STK10: variants seen among roughly 807,000 people sequenced by gnomAD.
The protein encoded by STK10 is serine/threonine-protein kinase 10.
In STK10, 78 loss-of-function variants were observed where a neutral mutation model predicts 113.8. The observed-to-expected ratio is 0.69, with a 90% CI of 0.57 to 0.83. The LOEUF (loss-of-function observed/expected upper bound fraction) is 0.83. Among genes scored for constraint, STK10 ranks in the 40% least tolerant of loss-of-function variants. The pLI is 0.00. For missense variants in STK10, 1,109 were observed against 1,280.1 expected (o/e 0.87, Z 2.04); for synonymous variants, 465 against 494.7 (o/e 0.94, Z 0.80).
At chr5:172,069,518 G>A (rs999035078) in intron 12 of STK10, among the ~76,000 whole-genome samples, 29 of 152,272 alleles carry the variant, frequency 1.9e-4, no homozygotes, top group African/African-American at 6.5e-4. Context: ...TAAAGTCTAG[G>A]AGGCTGAGGA....
At chr5:172,156,857 C>G in intron 1 of STK10, 69 bp from the exon 2 acceptor site, 1 of 1,544,454 alleles carries the variant, frequency 6.5e-7, no homozygotes, top group Non-Finnish European at 8.8e-7. Flanking sequence ...GACGTGAGCC[C>G]GCAGTCCTGC....
rs77609569 is a variant in STK10 at position 172,170,276 on chromosome 5, T to C, written c.157-13488A>G. ...AGAAGTCGACTTTCTCCATAACATA[T>C]TTCTATTTCTGAATCTCTGGCTGTT... On this transcript the variant is annotated intron_variant, in intron 1 of 18. Coordinates refer to ENST00000176763, the MANE Select transcript of STK10 (RefSeq NM_005990.4). 8.1e-3 allele frequency among the ~76,000 whole-genome samples: 1,226 copies of C among 152,250 alleles called. 24 individuals are homozygous for C. Among genetic ancestry groups the C allele is most frequent in the African/African-American group, 0.028 (1,149 of 41,538 alleles).
intron 10 of STK10, among the ~76,000 whole-genome samples, chr5:172,086,780 A>C (rs73801845): frequency 6.6e-6 from 1 of 152,168 alleles, no homozygotes; most frequent in Non-Finnish European, 1.5e-5. Context: ...ACGGCAGGCA[A>C]GCGAGAAAAT....
intron 18 of STK10, among the ~76,000 whole-genome samples, chr5:172,049,933 T>C (rs1401848460): frequency 6.6e-6 from 1 of 152,224 alleles, no homozygotes; most frequent in African/African-American, 2.4e-5. Context: ...CGCCCAAGTA[T>C]CTGGGATTAC....
At chr5:172,070,263 CTA>C (rs1768147333) in intron 12 of STK10, among the ~76,000 whole-genome samples, 2 of 148,930 alleles carry the variant, frequency 1.3e-5, no homozygotes, top group African/African-American at 5.0e-5. Flanking sequence ...AAATATATAT[CTA>C]TATATCTATA....
At position 172,074,833 on chromosome 5, in the gene STK10, A is replaced by G. The variant is rs1306665325; in HGVS notation, c.1989+7493T>C. Among the ~76,000 whole-genome samples, 6 of 152,204 alleles carry G rather than the reference A, an allele frequency of 3.9e-5. No individual in the cohort carries two copies. The East Asian group carries it at 1.2e-3, about 29-fold the overall frequency. ...CAGGAGTTTAAGGCCAGCCTGGCCA[A>G]CATGGTGAAACCCTGTCTCTAATAA... On this transcript the variant is annotated intron_variant, in intron 12 of 18. Transcript: ENST00000176763.
chr5:172,141,355 T>C (rs933055935), intron 2 of STK10, among the ~76,000 whole-genome samples: 4 of 152,060 alleles, frequency 2.6e-5, no homozygotes, highest in Non-Finnish European at 2.9e-5. Context: ...GGCGGGAAGA[T>C]TGCTTGAGCT....
chr5:172,054,701 C>G lies in STK10; in HGVS notation c.2527-7G>C. The G allele has an allele frequency of 1.9e-6, 3 of 1,608,274 alleles. No individual in the cohort carries two copies. The highest frequency in any genetic ancestry group is 2.5e-6 in the Non-Finnish European group (3 of 1,179,958). On this transcript the variant is annotated splice_region_variant and splice_polypyrimidine_tract_variant and intron_variant, in intron 16 of 18. Transcript: ENST00000176763. ...TCTCCTCCTGCTGGGAGAACTGCAC[C>G]AGAGAGAGGGTGGGTGCCTCAGGGG...
intron 2 of STK10, among the ~76,000 whole-genome samples, chr5:172,136,051 C>G (rs895485963): frequency 6.7e-6 from 1 of 148,348 alleles, no homozygotes; most frequent in Non-Finnish European, 1.5e-5. Context: ...AACAAACAAA[C>G]AAAAGAAAGA....
At chr5:172,107,287 CAG>C (rs540632961) in intron 5 of STK10, among the ~76,000 whole-genome samples, 37 of 152,230 alleles carry the variant, frequency 2.4e-4, no homozygotes, top group Non-Finnish European at 2.8e-4. Context: ...ACACGGCAAA[CAG>C]AGAGTAGTCA....
chr5:172,098,070 T>C (rs766664778), intron 7 of STK10, among the ~76,000 whole-genome samples: 3 of 152,178 alleles, frequency 2.0e-5, no homozygotes, highest in Non-Finnish European at 4.4e-5. Context: ...AAGGCTCTGA[T>C]GAAATTCACT....
chr5:172,119,133 G>A (rs139793326), intron 3 of STK10, among the ~76,000 whole-genome samples: 1,659 of 152,242 alleles, frequency 0.011, 19 homozygotes, highest in South Asian at 0.027. Flanking sequence ...AGTGTCCACC[G>A]AGAGATGGCC....
intron 3 of STK10, among the ~76,000 whole-genome samples, chr5:172,121,046 TG>T (rs1372193502): frequency 2.6e-5 from 4 of 151,314 alleles, no homozygotes; most frequent in Non-Finnish European, 5.9e-5. Context: ...TTTTTTTTTT[TG>T]AGATGGAGTC....
At position 172,187,700 on chromosome 5, in the gene STK10, G is replaced by A. The variant is rs1448753352; in HGVS notation, c.156+187C>T. Reference sequence around the variant, plus strand: ...GCCCGGAGGGGGCGCCCAGAGCGCAGGGACTCGGCCGGGCCGAGTGATGTT... The same window carrying A: ...GCCCGGAGGGGGCGCCCAGAGCGCAAGGACTCGGCCGGGCCGAGTGATGTT... On this transcript the variant is annotated intron_variant, in intron 1 of 18. Transcript: ENST00000176763. The surrounding 1 kb of genome is among the most constrained non-coding windows in gnomAD (Gnocchi z 4.6). 6.6e-6 allele frequency among the ~76,000 whole-genome samples: 1 copy of A among 152,238 alleles called. No homozygotes were observed. Among genetic ancestry groups the A allele is most frequent in the Non-Finnish European group, 1.5e-5 (1 of 68,048 alleles).
At chr5:172,142,696 T>C (rs182428636) in intron 2 of STK10, among the ~76,000 whole-genome samples, 48 of 152,362 alleles carry the variant, frequency 3.2e-4, no homozygotes, top group Non-Finnish European at 3.4e-4. Flanking sequence ...GCCTGGTACA[T>C]AGTAAGTCAA....
chr5:172,073,286 G>A (rs1187847125), intron 12 of STK10, among the ~76,000 whole-genome samples: 1 of 152,102 alleles, frequency 6.6e-6, no homozygotes, highest in African/African-American at 2.4e-5. Flanking sequence ...CCAAGTAGCT[G>A]GGATTACAGA....
intron 1 of STK10, among the ~76,000 whole-genome samples, chr5:172,181,449 G>A (rs1264231682): frequency 6.6e-6 from 1 of 151,792 alleles, no homozygotes; most frequent in Admixed American, 6.6e-5. Context: ...AAAGCGCCTA[G>A]CACAGTGCCT....
intron 7 of STK10, among the ~76,000 whole-genome samples, chr5:172,096,858 T>C (rs1433335300): frequency 4.6e-5 from 7 of 152,226 alleles, no homozygotes; most frequent in South Asian, 2.1e-4. Context: ...AGGGAGGTCA[T>C]GCGGATTAAA....
intron 10 of STK10, among the ~76,000 whole-genome samples, chr5:172,083,345 C>T (rs189162038): frequency 5.7e-4 from 86 of 152,014 alleles, no homozygotes; most frequent in African/African-American, 2.0e-3. Context: ...CATGAACAGA[C>T]ATGAAGCAAA....
Sources: gnomAD v4.1 joint callset for allele counts (sites outside exome capture counted in the v4.1 genomes callset) on GRCh38, gnomAD v4.1.1 for gene constraint, Gnocchi (gnomAD v3.1) non-coding constraint, MANE v1.5 for transcripts, NCBI Gene and HGNC (gene_info 2026-07-23, HGNC 2026-07-21) for gene names.